The following ZNF248 variants were observed in gnomAD, a reference collection of about 807,000 sequenced individuals.
ZNF248 encodes zinc finger protein 248.
In ZNF248, 20 loss-of-function variants were observed where a neutral mutation model predicts 44.3. That is an observed-to-expected ratio of 0.45 (90% CI 0.32 to 0.66). The LOEUF is 0.66. ZNF248 is among the 30% of genes least tolerant of loss of function. The probability of loss-of-function intolerance (pLI) is 0.04; values close to 1 mark genes in which losing one functional copy is unlikely to be tolerated. For missense variants in ZNF248, 654 were observed against 677.0 expected (o/e 0.97, Z 0.38); for synonymous variants, 224 against 229.0 (o/e 0.98, Z 0.20).
chr10:37,786,165 A>G (rs567981487), intron 6 of ZNF248, among the ~76,000 whole-genome samples: 2 of 152,362 alleles, frequency 1.3e-5, no homozygotes, highest in Non-Finnish European at 2.9e-5. Context: ...TTTCACAAGT[A>G]GAGATCAATG....
At chr10:37,785,621 T>C (rs899582607) in intron 6 of ZNF248, among the ~76,000 whole-genome samples, 9 of 152,194 alleles carry the variant, frequency 5.9e-5, no homozygotes, top group Non-Finnish European at 4.4e-5. Flanking sequence ...GAGTATTCCC[T>C]GTGACAGAGT....
At chr10:37,801,848 CCTT>C (rs1284695762) in intron 6 of ZNF248, among the ~76,000 whole-genome samples, 2 of 152,114 alleles carry the variant, frequency 1.3e-5, no homozygotes, top group East Asian at 3.9e-4. Context: ...GACCATTCAG[CCTT>C]CTTCTGGATA....
downstream of ZNF248, among the ~76,000 whole-genome samples, chr10:37,771,653 T>A (rs2046236828): frequency 6.7e-6 from 1 of 150,122 alleles, no homozygotes. Context: ...AGGGATAGCA[T>A]TAGGAGATAT....
chr10:37,820,947 C>A, intron 6 of ZNF248: 1 of 1,594,908 alleles, frequency 6.3e-7, no homozygotes, highest in Middle Eastern at 2.0e-4. Flanking sequence ...ATAATTCCTG[C>A]CGTCGTGGGT....
At chr10:37,761,975 C>T in the ZNF248 span, among the ~76,000 whole-genome samples, 6 of 152,214 alleles carry the variant, frequency 3.9e-5, no homozygotes. Flanking sequence ...TAGAATCACA[C>T]ATGCAGACAT....
intron 6 of ZNF248, among the ~76,000 whole-genome samples, chr10:37,793,628 C>A (rs1344587510): frequency 6.6e-6 from 1 of 152,008 alleles, no homozygotes; most frequent in Non-Finnish European, 1.5e-5. Flanking sequence ...CATTCTATAC[C>A]CACTTATTCT....
chr10:37,813,555 G>A (rs2051906099), intron 6 of ZNF248, among the ~76,000 whole-genome samples: 1 of 151,864 alleles, frequency 6.6e-6, no homozygotes, highest in East Asian at 1.9e-4. Flanking sequence ...CCTTAATGAT[G>A]ATCCACTTCC....
intron 3 of ZNF248, among the ~76,000 whole-genome samples, chr10:37,844,806 GAACA>G (rs2134382209): frequency 6.6e-6 from 1 of 152,154 alleles, no homozygotes; most frequent in Non-Finnish European, 1.5e-5. Flanking sequence ...TGAAAGAAAT[GAACA>G]AACAATTCGA....
chr10:37,806,893 C>A lies in ZNF248; in HGVS notation c.330+26132G>T, dbSNP rs540513135. ...ACAATCTTAACTCTTACATGTAGGC[C>A]TTTAATCCATGTTGAGTTACTTTGA... On this transcript the variant is annotated intron_variant, in intron 6 of 6. Transcript: ENST00000615949. Among the ~76,000 whole-genome samples, 14 of 152,200 alleles carry A rather than the reference C, an allele frequency of 9.2e-5. No individual in the cohort carries two copies. The South Asian group carries it at 2.9e-3, about 32-fold the overall frequency.
At chr10:37,768,241 C>T in the ZNF248 span, among the ~76,000 whole-genome samples, 2 of 152,110 alleles carry the variant, frequency 1.3e-5, no homozygotes, top group Non-Finnish European at 1.5e-5. Flanking sequence ...AACAAGGATA[C>T]CCAGGAATTG....
chr10:37,842,918 T>G (rs1266081587), intron 3 of ZNF248, among the ~76,000 whole-genome samples: 1 of 152,134 alleles, frequency 6.6e-6, no homozygotes, highest in Non-Finnish European at 1.5e-5. Flanking sequence ...CACCTCCAGC[T>G]ATTCTCGAGG....
chr10:37,798,423 T>G (rs192604874), intron 6 of ZNF248, among the ~76,000 whole-genome samples: 3 of 152,154 alleles, frequency 2.0e-5, no homozygotes, highest in African/African-American at 7.2e-5. Flanking sequence ...TGTTGTGGTA[T>G]GTGACTTTCA....
At chr10:37,850,078 A>C (rs1490515155) in intron 3 of ZNF248, among the ~76,000 whole-genome samples, 1 of 152,178 alleles carries the variant, frequency 6.6e-6, no homozygotes, top group African/African-American at 2.4e-5. Flanking sequence ...GTCTTAAAAA[A>C]AAAATGGCTA....
intron 6 of ZNF248, among the ~76,000 whole-genome samples, chr10:37,808,983 T>C (rs1036797010): frequency 6.6e-6 from 1 of 152,188 alleles, no homozygotes; most frequent in Admixed American, 6.5e-5. Context: ...TTCCTAGATA[T>C]TGAGCCATTT....
chr10:37,799,544 C>A (rs538014061), intron 6 of ZNF248, among the ~76,000 whole-genome samples: 2 of 152,170 alleles, frequency 1.3e-5, no homozygotes, highest in East Asian at 1.9e-4. Context: ...GGTGACAGAG[C>A]GAGACTTTGT....
At chr10:37,821,700 G>A (rs2053496282) in intron 6 of ZNF248, among the ~76,000 whole-genome samples, 1 of 152,148 alleles carries the variant, frequency 6.6e-6, no homozygotes, top group African/African-American at 2.4e-5. Context: ...CTTCAACCCT[G>A]ACCCTGGAGC....
At position 37,834,853 on chromosome 10, in the gene ZNF248, A is replaced by AT. The variant is rs535734202; in HGVS notation, c.239-1738dup. Among the ~76,000 whole-genome samples, 370 of 152,322 alleles carry AT rather than the reference A, an allele frequency of 2.4e-3. 2 individuals carry two copies. Among genetic ancestry groups the AT allele is most frequent in the Middle Eastern group, 0.017 (5 of 294 alleles). Reference sequence around the variant, plus strand: ...AAATGAGAAAACATTTGCAAATAAAATTTAAGATATAGAATAGGACGGGAT... The same window carrying AT: ...AAATGAGAAAACATTTGCAAATAAAATTTTAAGATATAGAATAGGACGGGAT... On this transcript the variant is annotated intron_variant, in intron 5 of 5. Transcript: ENST00000395867.
downstream of ZNF248, among the ~76,000 whole-genome samples, chr10:37,828,335 T>G (rs2054725903): frequency 6.6e-6 from 1 of 152,222 alleles, no homozygotes; most frequent in Non-Finnish European, 1.5e-5. Context: ...CCTATTTTGA[T>G]TTTTCTTTAT....
rs941565865 is a variant in ZNF248 at position 37,828,771 on chromosome 10, C to A, written c.*2844G>T. The A allele has an allele frequency of 3.0e-6, 3 of 985,182 alleles. No individual in the cohort carries two copies. Among genetic ancestry groups the A allele is most frequent in the African/African-American group, 3.5e-5 (2 of 57,202 alleles). 61.0% of individuals were successfully genotyped at this position (985,182 alleles called of 1,614,324 possible). A position where few individuals can be genotyped will look rare whatever the true frequency, so the allele number is the denominator to read the frequency against. Reference sequence around the variant, plus strand: ...GTGAATTAATCAAACAGTGCAGGGACAACTGGCTATTTATTTGGAAGAATA... The same window carrying A: ...GTGAATTAATCAAACAGTGCAGGGAAAACTGGCTATTTATTTGGAAGAATA... On this transcript the variant is annotated 3_prime_UTR_variant, in exon 6 of 6. Coordinates refer to ENST00000395867, the MANE Select transcript of ZNF248 (RefSeq NM_021045.3).
Sources: allele counts gnomAD v4.1 joint callset (sites outside exome capture counted in the v4.1 genomes callset), GRCh38; gene constraint gnomAD v4.1.1; transcripts MANE v1.5; gene names NCBI Gene and HGNC (gene_info 2026-07-23, HGNC 2026-07-21).